The following DLG2 variants were observed in gnomAD, a reference collection of about 807,000 sequenced individuals.
The protein encoded by DLG2 is disks large homolog 2.
In DLG2, 45 loss-of-function variants were observed where a neutral mutation model predicts 132.5. That is an observed-to-expected ratio of 0.34 (90% CI 0.27 to 0.44). The LOEUF (loss-of-function observed/expected upper bound fraction) is 0.44. DLG2 is among the 20% of genes least tolerant of loss of function. DLG2 has a pLI of 1.00. For synonymous variants in DLG2, 424 were observed against 419.6 expected (o/e 1.01, Z -0.13); for missense variants, 1,045 against 1,196.9 (o/e 0.87, Z 1.87).
chr11:84,963,442 C>G (rs1176752400), intron 6 of DLG2, among the ~76,000 whole-genome samples: 1 of 142,042 alleles, frequency 7.0e-6, no homozygotes. Context: ...CTATAGACTG[C>G]CTCCTGGCTG....
chr11:83,593,650 A>G (rs2436151), intron 19 of DLG2, among the ~76,000 whole-genome samples: 66,989 of 150,202 alleles, frequency 0.45, 15,286 homozygotes, highest in Admixed American at 0.56. Context: ...ATAATAAAAA[A>G]AAGAAATATA....
At chr11:84,052,478 C>G (rs2096408395) in intron 11 of DLG2, among the ~76,000 whole-genome samples, 1 of 151,316 alleles carries the variant, frequency 6.6e-6, no homozygotes, top group African/African-American at 2.4e-5. Flanking sequence ...CCAGAATCTA[C>G]AAAGAACTTA....
chr11:84,072,411 G>A (rs2096771131), intron 10 of DLG2, among the ~76,000 whole-genome samples: 1 of 152,220 alleles, frequency 6.6e-6, no homozygotes, highest in African/African-American at 2.4e-5. Context: ...TTTAGCAAGA[G>A]AGATAGGAAA....
intron 11 of DLG2, among the ~76,000 whole-genome samples, chr11:83,997,126 A>G (rs2094080355): frequency 6.6e-6 from 1 of 151,876 alleles, no homozygotes; most frequent in South Asian, 2.1e-4. Flanking sequence ...AAAAGTAAAA[A>G]AAAAAAAATA....
intron 6 of DLG2, among the ~76,000 whole-genome samples, chr11:85,019,850 C>T (rs190378739): frequency 3.3e-5 from 5 of 152,322 alleles, no homozygotes; most frequent in African/African-American, 1.2e-4. Context: ...GCCACATTGT[C>T]TTAATCCAGT....
intron 5 of DLG2, among the ~76,000 whole-genome samples, chr11:85,148,266 C>T (rs1350242240): frequency 6.6e-6 from 1 of 151,932 alleles, no homozygotes; most frequent in Non-Finnish European, 1.5e-5. Context: ...TGGGTATATA[C>T]CTAGTAATGG....
chr11:84,544,082 C>A (rs1397155179), intron 6 of DLG2, among the ~76,000 whole-genome samples: 1 of 152,176 alleles, frequency 6.6e-6, no homozygotes, highest in African/African-American at 2.4e-5. Context: ...TATGGGAGAA[C>A]TTACTCTAGC....
At chr11:84,122,106 A>C (rs1390350930) in intron 9 of DLG2, among the ~76,000 whole-genome samples, 3 of 151,612 alleles carry the variant, frequency 2.0e-5, no homozygotes, top group African/African-American at 7.3e-5. Context: ...AGATCACCTG[A>C]GGTTGGGAGT....
In DLG2 at chr11:84,282,655, A is replaced by AG. The variant is rs150127400; in HGVS notation, c.520-31365dup. On this transcript the variant is annotated intron_variant, in intron 7 of 27. Coordinates refer to ENST00000376104, the MANE Select transcript of DLG2 (RefSeq NM_001142699.3). Reference sequence around the variant, plus strand: ...TGTCTCCTTGAAGAGGGGTTGGGGGAGAAAAAAAAGCTTAGAAAGCAATGA... The same window carrying AG: ...TGTCTCCTTGAAGAGGGGTTGGGGGAGGAAAAAAAAGCTTAGAAAGCAATGA... Among the ~76,000 whole-genome samples, 112 of 152,112 alleles carry AG rather than the reference A, an allele frequency of 7.4e-4. 1 individual carries two copies. Among genetic ancestry groups the AG allele is most frequent in the African/African-American group, 2.7e-3 (111 of 41,486 alleles).
At chr11:83,470,979 G>A (rs79714489) in intron 24 of DLG2, among the ~76,000 whole-genome samples, 5,717 of 151,814 alleles carry the variant, frequency 0.038, 372 homozygotes, top group African/African-American at 0.13. Context: ...TGAATGAGTG[G>A]AGAAAGTATG....
chr11:83,777,546 A>G lies in DLG2; in HGVS notation c.1825+9144T>C, dbSNP rs556255223. ...ATCTATCTGCAAGTTTAGCAATTAC[A>G]ATTTAATTTATTAAACTGATAAGAT... On this transcript the variant is annotated intron_variant, in intron 18 of 27. Transcript: ENST00000376104. 6.9e-4 allele frequency among the ~76,000 whole-genome samples: 105 copies of G among 152,350 alleles called. 1 individual carries two copies. The highest frequency in any genetic ancestry group is 2.4e-3 in the African/African-American group (101 of 41,582).
chr11:85,183,542 G>C (rs1436677959), intron 4 of DLG2, among the ~76,000 whole-genome samples: 1 of 151,806 alleles, frequency 6.6e-6, no homozygotes, highest in Middle Eastern at 3.2e-3. Flanking sequence ...CATTGCCAGG[G>C]GGATTTATCT....
At chr11:85,022,529 A>G (rs2060168051) in intron 6 of DLG2, among the ~76,000 whole-genome samples, 1 of 152,096 alleles carries the variant, frequency 6.6e-6, no homozygotes, top group African/African-American at 2.4e-5. Flanking sequence ...TATGTCACAA[A>G]AGCAAAGAAC....
chr11:84,558,818 A>T (rs1641630140), intron 6 of DLG2, among the ~76,000 whole-genome samples: 1 of 151,834 alleles, frequency 6.6e-6, no homozygotes, highest in African/African-American at 2.4e-5. Context: ...TATCTTCTTT[A>T]TTTTTTTGCA....
intron 6 of DLG2, among the ~76,000 whole-genome samples, chr11:84,692,216 C>A (rs2058124167): frequency 6.6e-6 from 1 of 151,756 alleles, no homozygotes; most frequent in Non-Finnish European, 1.5e-5. Context: ...AAAGAACAAA[C>A]CTTCCTTTCC....
rs149515170 is a variant in DLG2 at position 85,010,632 on chromosome 11, T to C, written c.357+101029A>G. 4.0e-4 allele frequency among the ~76,000 whole-genome samples: 61 copies of C among 152,284 alleles called. 2 individuals carry two copies. Among genetic ancestry groups the C allele is most frequent in the African/African-American group, 1.3e-3 (54 of 41,588 alleles). ...CAAAGGGACAGTGATTTAGGTTACA[T>C]GTATGATGAATTCTCTGAAGATCTA... On this transcript the variant is annotated intron_variant, in intron 6 of 27. Coordinates refer to ENST00000376104, the MANE Select transcript of DLG2 (RefSeq NM_001142699.3).
chr11:84,065,334 A>T (rs1423024801), intron 10 of DLG2, among the ~76,000 whole-genome samples: 1 of 152,206 alleles, frequency 6.6e-6, no homozygotes, highest in Non-Finnish European at 1.5e-5. Flanking sequence ...ACAAAGGTCT[A>T]ATATCTAGAA....
At chr11:84,469,405 T>C (rs999590712) in intron 7 of DLG2, among the ~76,000 whole-genome samples, 1 of 151,614 alleles carries the variant, frequency 6.6e-6, no homozygotes, top group African/African-American at 2.4e-5. Context: ...GTCTTATTTG[T>C]ATGGCCTTGG....
At chr11:83,820,705 T>C (rs1313073299) in intron 17 of DLG2, among the ~76,000 whole-genome samples, 1 of 152,172 alleles carries the variant, frequency 6.6e-6, no homozygotes, top group Non-Finnish European at 1.5e-5. Context: ...CCTTTTTTAC[T>C]GATTCACTGA....
Sources: allele counts gnomAD v4.1 joint callset (sites outside exome capture counted in the v4.1 genomes callset), GRCh38; gene constraint gnomAD v4.1.1; transcripts MANE v1.5; gene names NCBI Gene and HGNC (gene_info 2026-07-23, HGNC 2026-07-21).